The following DPYSL3 variants were observed in gnomAD, a reference collection of about 807,000 sequenced individuals.
DPYSL3 encodes the protein dihydropyrimidinase like 3, also known as dihydropyrimidinase-related protein 3.
DPYSL3 carries 16 observed loss-of-function variants against 66.1 expected under a neutral mutation model. The observed-to-expected ratio is 0.24, with a 90% confidence interval of 0.16 to 0.37. DPYSL3 has a LOEUF of 0.37. Among genes scored for constraint, DPYSL3 ranks in the 10% least tolerant of loss-of-function variants. The pLI, the probability that DPYSL3 is intolerant of heterozygous loss-of-function variation, is 1.00. For synonymous variants in DPYSL3, 338 were observed against 345.1 expected (o/e 0.98, Z 0.23); for missense variants, 738 against 916.2 (o/e 0.81, Z 2.51).
intron 1 of DPYSL3, among the ~76,000 whole-genome samples, chr5:147,457,878 A>G (rs746937745): frequency 5.9e-5 from 9 of 152,230 alleles, no homozygotes; most frequent in Non-Finnish European, 1.2e-4. Flanking sequence ...ATATCTTTGC[A>G]CAGAGTCCAG....
chr5:147,403,972 G>A (rs552182614), intron 8 of DPYSL3, among the ~76,000 whole-genome samples: 2 of 152,214 alleles, frequency 1.3e-5, no homozygotes, highest in Non-Finnish European at 2.9e-5. Context: ...ACCCTGTCCC[G>A]AGCGGCCCTA....
intron 1 of DPYSL3, among the ~76,000 whole-genome samples, chr5:147,451,785 A>T (rs768073285): frequency 1.1e-4 from 16 of 152,234 alleles, no homozygotes; most frequent in Non-Finnish European, 2.1e-4. Context: ...GGAGATAAGT[A>T]AAAATTGAGC....
chr5:147,456,504 G>A (rs1752855056), intron 1 of DPYSL3, among the ~76,000 whole-genome samples: 1 of 151,616 alleles, frequency 6.6e-6, no homozygotes, highest in Non-Finnish European at 1.5e-5. Context: ...GAAAGGTTTG[G>A]CACCATCCTT....
At chr5:147,409,468 G>A (rs6899104) in intron 6 of DPYSL3, among the ~76,000 whole-genome samples, 2,830 of 152,192 alleles carry the variant, frequency 0.019, 92 homozygotes, top group African/African-American at 0.064. Context: ...AAAATTTAAC[G>A]AAACAAAATA....
At chr5:147,438,116 T>C (rs1409055907) in intron 1 of DPYSL3, among the ~76,000 whole-genome samples, 1 of 152,170 alleles carries the variant, frequency 6.6e-6, no homozygotes, top group African/African-American at 2.4e-5. Context: ...TCTGGTTCCT[T>C]CTTGACAAAG....
chr5:147,437,765 T>G (rs1752439677), intron 1 of DPYSL3, among the ~76,000 whole-genome samples: 1 of 152,182 alleles, frequency 6.6e-6, no homozygotes, highest in Non-Finnish European at 1.5e-5. Context: ...CCAGTTAGCC[T>G]GATGGAATGG....
intron 1 of DPYSL3, among the ~76,000 whole-genome samples, chr5:147,505,116 T>A (rs896371760): frequency 3.9e-5 from 6 of 152,202 alleles, no homozygotes; most frequent in Admixed American, 2.6e-4. Flanking sequence ...AGGATTTTAG[T>A]AACATGAATG....
At chr5:147,442,863 G>A (rs1752559814) in intron 1 of DPYSL3, among the ~76,000 whole-genome samples, 1 of 151,908 alleles carries the variant, frequency 6.6e-6, no homozygotes, top group East Asian at 1.9e-4. Flanking sequence ...AAATCTAGAT[G>A]GGTATACTGA....
chr5:147,439,517 C>T (rs1752491548), intron 1 of DPYSL3, among the ~76,000 whole-genome samples: 1 of 152,068 alleles, frequency 6.6e-6, no homozygotes, highest in Admixed American at 6.5e-5. Context: ...CCACATGGGA[C>T]CTCAAGAGCC....
chr5:147,501,007 C>T (rs57813393), intron 1 of DPYSL3, among the ~76,000 whole-genome samples: 18,294 of 152,152 alleles, frequency 0.12, 1,193 homozygotes, highest in Middle Eastern at 0.22. Flanking sequence ...TCATACAAAA[C>T]GTATGTGCCC....
chr5:147,480,715 T>C (rs1188411838), intron 1 of DPYSL3, among the ~76,000 whole-genome samples: 1 of 147,748 alleles, frequency 6.8e-6, no homozygotes, highest in Non-Finnish European at 1.5e-5. Context: ...ATTATTATTA[T>C]TATTATTATT....
At chr5:147,462,228 T>A (rs1055102342) in intron 1 of DPYSL3, among the ~76,000 whole-genome samples, 3 of 152,042 alleles carry the variant, frequency 2.0e-5, no homozygotes, top group African/African-American at 4.8e-5. Context: ...CAAAAGAAGA[T>A]CAAAAGCAGA....
rs1285615546 is a variant in DPYSL3 at position 147,452,924 on chromosome 5, CACAT to C, written c.382-27965_382-27962del. Among the ~76,000 whole-genome samples, 563 of 126,110 alleles carry C rather than the reference CACAT, an allele frequency of 4.5e-3. 6 individuals carry two copies. The highest frequency in any genetic ancestry group is 0.017 in the African/African-American group (523 of 31,420). 82.7% of individuals were successfully genotyped at this position (126,110 alleles called of 152,430 possible). ...ACACACACACACACACACACACACA[CACAT>C]AAAGTTGATCATTCCCACTGCAGCC... On this transcript the variant is annotated intron_variant, in intron 1 of 13. Transcript: ENST00000343218.
Position 147,509,375 on chromosome 5 carries a change from G to A in DPYSL3, c.381+103C>T. 2.9e-6 allele frequency: 4 copies of A among 1,387,882 alleles called. No homozygotes were observed. The highest frequency in any genetic ancestry group is 3.8e-6 in the Non-Finnish European group (4 of 1,055,222). 86.0% of individuals were successfully genotyped at this position (1,387,882 alleles called of 1,614,324 possible). ...ACCCTTTCCTCCTCCTTGTCCCCCA[G>A]CCCCGTGCAAAGTGAGCTGGAGAAA... On this transcript the variant is annotated intron_variant, in intron 1 of 13. Coordinates refer to ENST00000343218, the MANE Select transcript of DPYSL3 (RefSeq NM_001197294.2). The surrounding 1 kb of genome is among the most constrained non-coding windows in gnomAD (Gnocchi z 5.3).
chr5:147,431,342 C>T (rs1031134927), intron 1 of DPYSL3, among the ~76,000 whole-genome samples: 3 of 152,088 alleles, frequency 2.0e-5, no homozygotes, highest in Non-Finnish European at 4.4e-5. Context: ...GACATGCAGA[C>T]ATGAGCTTGA....
At chr5:147,420,748 C>T (rs1408392509) in intron 2 of DPYSL3, among the ~76,000 whole-genome samples, 3 of 152,186 alleles carry the variant, frequency 2.0e-5, no homozygotes, top group African/African-American at 7.2e-5. Context: ...TCTCCACCAC[C>T]AACACACACA....
chr5:147,491,787 A>C (rs1753419724), intron 1 of DPYSL3, among the ~76,000 whole-genome samples: 1 of 152,120 alleles, frequency 6.6e-6, no homozygotes, highest in Non-Finnish European at 1.5e-5. Context: ...AAAACAGAAT[A>C]TCCAAGAACT....
At chr5:147,442,000 T>C (rs901131143) in intron 1 of DPYSL3, among the ~76,000 whole-genome samples, 32 of 152,326 alleles carry the variant, frequency 2.1e-4, no homozygotes, top group African/African-American at 7.7e-4. Flanking sequence ...AGGCCATAAT[T>C]TAAACCAATT....
chr5:147,461,448 C>T (rs932998785), intron 1 of DPYSL3, among the ~76,000 whole-genome samples: 1 of 152,156 alleles, frequency 6.6e-6, no homozygotes, highest in African/African-American at 2.4e-5. Context: ...TTTGGGACCC[C>T]TCTCTCTGCA....
Sources: allele counts gnomAD v4.1 joint callset (sites outside exome capture counted in the v4.1 genomes callset), GRCh38; gene constraint gnomAD v4.1.1; non-coding constraint Gnocchi (gnomAD v3.1); transcripts MANE v1.5; gene names NCBI Gene and HGNC (gene_info 2026-07-23, HGNC 2026-07-21).